The following CADPS2 variants were observed in gnomAD, a reference collection of about 807,000 sequenced individuals.
CADPS2 encodes the protein calcium dependent secretion activator 2.
Under a neutral mutation model 172.5 loss-of-function variants are expected in CADPS2, and 93 were observed. The observed-to-expected ratio is 0.54, with a 90% CI of 0.46 to 0.64. The LOEUF is 0.64. Among genes scored for constraint, CADPS2 ranks in the 30% least tolerant of loss-of-function variants. The probability of loss-of-function intolerance (pLI) is 0.00; values close to 1 mark genes in which losing one functional copy is unlikely to be tolerated. For missense variants in CADPS2, 1,420 were observed against 1,565.9 expected (o/e 0.91, Z 1.57); for synonymous variants, 546 against 555.2 (o/e 0.98, Z 0.23).
intron 24 of CADPS2, among the ~76,000 whole-genome samples, chr7:122,380,311 A>G (rs929974640): frequency 2.6e-5 from 4 of 152,106 alleles, no homozygotes; most frequent in Non-Finnish European, 5.9e-5. Context: ...TTCACAGAAA[A>G]TGTGACTTGT....
At chr7:122,625,053 ATT>A (rs35127611) in intron 4 of CADPS2, among the ~76,000 whole-genome samples, 5,749 of 147,708 alleles carry the variant, frequency 0.039, 291 homozygotes, top group African/African-American at 0.12. Context: ...ATGATTAATT[ATT>A]TTTTTTTTTT....
intron 27 of CADPS2, among the ~76,000 whole-genome samples, chr7:122,347,018 A>G (rs527720797): frequency 6.6e-6 from 1 of 152,224 alleles, no homozygotes; most frequent in South Asian, 2.1e-4. Context: ...CTATTAAATT[A>G]GATAGATCCA....
intron 1 of CADPS2, among the ~76,000 whole-genome samples, chr7:122,776,031 C>T (rs1302311107): frequency 6.6e-6 from 1 of 152,024 alleles, no homozygotes; most frequent in Non-Finnish European, 1.5e-5. Context: ...ATAATAACAA[C>T]AAAAAGGAGG....
Position 122,663,375 on chromosome 7 carries a change from G to C in CADPS2, c.648C>G (p.Asp216Glu). Reference sequence around the variant, plus strand: ...CCATTCTATTTGGCTGTTTGCACAAGTCCTCTTCACCTCTGTAAATGGCAT... The same window carrying C: ...CCATTCTATTTGGCTGTTTGCACAACTCCTCTTCACCTCTGTAAATGGCAT... ...KYDAIYRGEE[D>E]LCKQPNRMAL... The change falls in exon 3 of 30, where the codon GAC becomes GAG. Residue 216 changes from aspartate (D) to glutamate (E), a missense_variant. By Grantham distance (45) the Asp-to-Glu change is conservative. Coordinates refer to ENST00000449022, the MANE Select transcript of CADPS2 (RefSeq NM_017954.11). 6.2e-7 allele frequency: 1 copy of C among 1,613,926 alleles called. No individual in the cohort carries two copies. Among genetic ancestry groups the C allele is most frequent in the Non-Finnish European group, 8.5e-7 (1 of 1,179,882 alleles).
At chr7:122,638,423 G>A (rs969693344) in intron 3 of CADPS2, among the ~76,000 whole-genome samples, 3 of 152,130 alleles carry the variant, frequency 2.0e-5, no homozygotes, top group African/African-American at 7.2e-5. Context: ...ATTCACCATC[G>A]AAGTGCTTCC....
intron 1 of CADPS2, among the ~76,000 whole-genome samples, chr7:122,824,359 A>G (rs1234125469): frequency 6.6e-6 from 1 of 152,208 alleles, no homozygotes; most frequent in Non-Finnish European, 1.5e-5. Flanking sequence ...CACAACTCTC[A>G]TATAGGCACT....
At chr7:122,335,176 G>A (rs2035648713) in intron 28 of CADPS2, among the ~76,000 whole-genome samples, 1 of 152,194 alleles carries the variant, frequency 6.6e-6, no homozygotes, top group Non-Finnish European at 1.5e-5. Context: ...CAATGAAATG[G>A]ATATTCTACA....
chr7:122,797,413 C>G (rs936039863), intron 1 of CADPS2, among the ~76,000 whole-genome samples: 25 of 152,104 alleles, frequency 1.6e-4, no homozygotes, highest in African/African-American at 6.0e-4. Context: ...TTCACTGCAG[C>G]ACTATTCACA....
chr7:122,630,240 C>T (rs2076448066), intron 3 of CADPS2, among the ~76,000 whole-genome samples: 1 of 152,096 alleles, frequency 6.6e-6, no homozygotes, highest in African/African-American at 2.4e-5. Flanking sequence ...AAACAGTTTA[C>T]TTGTCACTTT....
chr7:122,649,002 G>A (rs1279513962), intron 3 of CADPS2, among the ~76,000 whole-genome samples: 1 of 152,036 alleles, frequency 6.6e-6, no homozygotes, highest in Non-Finnish European at 1.5e-5. Flanking sequence ...TCATTCTTCA[G>A]ATCACAGAGA....
intron 25 of CADPS2, among the ~76,000 whole-genome samples, chr7:122,365,746 T>G (rs1202531647): frequency 6.6e-6 from 1 of 152,230 alleles, no homozygotes; most frequent in Non-Finnish European, 1.5e-5. Context: ...ACCTAAAGTC[T>G]GCCTGGGTAA....
At chr7:122,752,753 T>C (rs1039287552) in intron 1 of CADPS2, among the ~76,000 whole-genome samples, 1 of 152,160 alleles carries the variant, frequency 6.6e-6, no homozygotes, top group Non-Finnish European at 1.5e-5. Context: ...GGTTAATATA[T>C]AAACCCCTCA....
At chr7:122,593,660 A>G (rs1044740234) in intron 6 of CADPS2, among the ~76,000 whole-genome samples, 2 of 152,016 alleles carry the variant, frequency 1.3e-5, no homozygotes, top group Non-Finnish European at 2.9e-5. Flanking sequence ...GAAAAAATTG[A>G]CAGTTTTGAA....
At chr7:122,853,829 G>A (rs1211422093) in intron 1 of CADPS2, among the ~76,000 whole-genome samples, 1 of 152,200 alleles carries the variant, frequency 6.6e-6, no homozygotes, top group African/African-American at 2.4e-5. Context: ...ATGTGGGGAA[G>A]GGAGCAGGAG....
chr7:122,497,907 T>G (rs540704759), intron 9 of CADPS2, among the ~76,000 whole-genome samples: 2 of 152,296 alleles, frequency 1.3e-5, no homozygotes, highest in African/African-American at 4.8e-5. Flanking sequence ...GTCAGAAGGC[T>G]TATACATCCA....
chr7:122,815,080 G>C (rs761157851), intron 1 of CADPS2, among the ~76,000 whole-genome samples: 18 of 152,116 alleles, frequency 1.2e-4, no homozygotes, highest in Non-Finnish European at 2.1e-4. Flanking sequence ...CCAAGAAGGA[G>C]TTAAGATCTA....
intron 9 of CADPS2, among the ~76,000 whole-genome samples, chr7:122,496,029 T>C (rs532987976): frequency 1.3e-5 from 2 of 152,206 alleles, no homozygotes; most frequent in South Asian, 4.1e-4. Context: ...CAATCAATTT[T>C]GCCAGAGATT....
intron 8 of CADPS2, among the ~76,000 whole-genome samples, chr7:122,536,371 T>C (rs1432774345): frequency 6.6e-6 from 1 of 152,042 alleles, no homozygotes; most frequent in Non-Finnish European, 1.5e-5. Flanking sequence ...AAAGATACCT[T>C]CAGATATAAT....
At position 122,698,713 on chromosome 7, in the gene CADPS2, T is replaced by C. The variant is rs762642789; in HGVS notation, c.454-35144A>G. On this transcript the variant is annotated intron_variant, in intron 2 of 29. Coordinates refer to ENST00000449022, the MANE Select transcript of CADPS2 (RefSeq NM_017954.11). ...TGGCACTATAACTCCTGCCACTCTC[T>C]TCAAAGTGGAGCTTCTTCCAAAGAC... 4 of 1,613,538 alleles carry C rather than the reference T, an allele frequency of 2.5e-6. No homozygotes were observed. In the Admixed American group the frequency reaches 6.7e-5, roughly 27 times the overall value.
Sources: allele counts gnomAD v4.1 joint callset (sites outside exome capture counted in the v4.1 genomes callset), GRCh38; gene constraint gnomAD v4.1.1; transcripts MANE v1.5; gene names NCBI Gene and HGNC (gene_info 2026-07-23, HGNC 2026-07-21).